Variants in PGM1 observed in about 807,000 individuals in gnomAD.
The protein encoded by PGM1 is phosphoglucomutase-1.
A neutral mutation model predicts 55.6 loss-of-function variants in PGM1; 52 were observed. The observed-to-expected ratio is 0.94, with a 90% confidence interval of 0.75 to 1.18. The LOEUF is 1.18. Among genes scored for constraint, PGM1 ranks in the 50% most tolerant of loss-of-function variants. The probability of loss-of-function intolerance (pLI) is 0.00; values close to 1 mark genes in which losing one functional copy is unlikely to be tolerated. For missense variants in PGM1, 724 were observed against 729.3 expected, an observed-to-expected ratio of 0.99 and a Z score of 0.08; for synonymous variants, 287 against 271.7, an observed-to-expected ratio of 1.06 and a Z score of -0.55.
chr1:63,630,175 CT>C, intron 3 of PGM1, 87 bp downstream of exon 3: 1 of 1,302,798 alleles, frequency 7.7e-7, no homozygotes, highest in East Asian at 2.3e-5. Flanking sequence ...GGGTCTTCAG[CT>C]TTGGAAAGAT....
intron 1 of PGM1, among the ~76,000 whole-genome samples, chr1:63,615,876 T>C (rs1405685839): frequency 1.3e-5 from 2 of 152,012 alleles, no homozygotes; most frequent in African/African-American, 4.8e-5. Flanking sequence ...GCCACAAAAC[T>C]TAAAGGGGCA....
At position 63,629,543 on chromosome 1, in the gene PGM1, G is replaced by T. The variant is rs1409915237; in HGVS notation, c.365G>T (p.Gly122Val). 6.2e-7 allele frequency: 1 copy of T among 1,613,878 alleles called. No homozygotes were observed. The highest frequency in any genetic ancestry group is 1.7e-5 in the Admixed American group (1 of 60,004). The change falls in exon 2 of 11, where the codon GGC becomes GTC. Residue 122 changes from glycine (G) to valine (V), a missense_variant. By Grantham distance (109) the Gly-to-Val change is moderately radical (BLOSUM62 -3). Transcript: ENST00000371084. Reference protein sequence around the residue: ...IILTASHNPGGPNGDFGIKFN... With the variant: ...IILTASHNPGVPNGDFGIKFN... ...CTGACAGCCAGTCACAACCCAGGGG[G>T]CCCCAATGGAGATTTTGGAATCAAA...
intron 10 of PGM1, among the ~76,000 whole-genome samples, chr1:63,659,113 G>C (rs1299193402): frequency 6.6e-6 from 1 of 152,186 alleles, no homozygotes; most frequent in Non-Finnish European, 1.5e-5. Flanking sequence ...GATGAGATTT[G>C]AGTGGGGACA....
intron 7 of PGM1, among the ~76,000 whole-genome samples, chr1:63,646,671 T>C (rs908208364): frequency 2.0e-5 from 3 of 152,166 alleles, no homozygotes; most frequent in African/African-American, 7.2e-5. Context: ...TCCCTTTTAT[T>C]CTCCTGGCAC....
At chr1:63,646,525 T>G (rs1029236601) in intron 7 of PGM1, among the ~76,000 whole-genome samples, 4 of 152,136 alleles carry the variant, frequency 2.6e-5, no homozygotes, top group African/African-American at 9.7e-5. Context: ...ACCTTAATGG[T>G]TAAAGAACAG....
intron 1 of PGM1, among the ~76,000 whole-genome samples, chr1:63,620,723 G>A (rs147842969): frequency 1.4e-3 from 215 of 152,316 alleles, no homozygotes; most frequent in African/African-American, 4.8e-3. Context: ...GAGCGAAGGG[G>A]TTCATAACTC....
intron 1 of PGM1, among the ~76,000 whole-genome samples, chr1:63,610,470 A>G (rs1648535520): frequency 6.6e-6 from 1 of 152,244 alleles, no homozygotes; most frequent in African/African-American, 2.4e-5. Flanking sequence ...AAAAGTATAT[A>G]TAATCTTTGG....
chr1:63,614,337 T>G (rs1055572287), intron 1 of PGM1, among the ~76,000 whole-genome samples: 1 of 152,202 alleles, frequency 6.6e-6, no homozygotes, highest in Non-Finnish European at 1.5e-5. Flanking sequence ...CGCTACAGTC[T>G]AGGGGTTCCT....
At chr1:63,598,464 A>G (rs1648143455) in intron 1 of PGM1, among the ~76,000 whole-genome samples, 1 of 152,232 alleles carries the variant, frequency 6.6e-6, no homozygotes, top group Admixed American at 6.5e-5. Flanking sequence ...AGTGGTGAGT[A>G]TAAATGATGT....
Position 63,593,471 on chromosome 1 carries a change from C to G in PGM1, c.-18C>G, listed in dbSNP as rs777923635. 6.2e-7 allele frequency: 1 copy of G among 1,613,374 alleles called. No homozygotes were observed. The highest frequency in any genetic ancestry group is 8.5e-7 in the Non-Finnish European group (1 of 1,179,838). ...CAGCCAAGTCCGCCGCTCTGACCCCCGGCAGCAAGTCGCCACCATGGTGAA... is the reference window on the plus strand; with the variant it reads ...CAGCCAAGTCCGCCGCTCTGACCCCGGGCAGCAAGTCGCCACCATGGTGAA... On this transcript the variant is annotated 5_prime_UTR_variant, in exon 1 of 11. Transcript: ENST00000371084.
intron 1 of PGM1, among the ~76,000 whole-genome samples, chr1:63,626,048 G>C (rs888370577): frequency 6.6e-6 from 1 of 152,178 alleles, no homozygotes; most frequent in Non-Finnish European, 1.5e-5. Context: ...TTGACTATTA[G>C]ATGTTTGGAG....
At chr1:63,655,286 A>G (rs1649933097) in intron 10 of PGM1, among the ~76,000 whole-genome samples, 1 of 152,054 alleles carries the variant, frequency 6.6e-6, no homozygotes, top group African/African-American at 2.4e-5. Context: ...AACCCAGGAT[A>G]ATTGGTCTTT....
chr1:63,638,951 G>A (rs1649437840), intron 7 of PGM1, 151 bp downstream of exon 7: 2 of 721,856 alleles, frequency 2.8e-6, no homozygotes, highest in Non-Finnish European at 5.1e-6. Context: ...GATGAAATGT[G>A]CACATTTGAA....
chr1:63,608,111 A>C (rs1338505697), intron 1 of PGM1, among the ~76,000 whole-genome samples: 1 of 149,436 alleles, frequency 6.7e-6, no homozygotes, highest in Non-Finnish European at 1.5e-5. Context: ...ATTGTTTTGA[A>C]AGAGATAATG....
At chr1:63,601,882 C>T (rs2100957349) in intron 1 of PGM1, among the ~76,000 whole-genome samples, 1 of 152,332 alleles carries the variant, frequency 6.6e-6, no homozygotes, top group East Asian at 1.9e-4. Flanking sequence ...CCTGAATTAA[C>T]ACAGTGGGGA....
At chr1:63,608,459 G>A (rs986942232) in intron 1 of PGM1, among the ~76,000 whole-genome samples, 3 of 152,214 alleles carry the variant, frequency 2.0e-5, no homozygotes, top group African/African-American at 7.2e-5. Flanking sequence ...AAACCCAAAT[G>A]CTAAGCCAGT....
intron 4 of PGM1, among the ~76,000 whole-genome samples, chr1:63,633,280 G>C (rs1016626531): frequency 6.6e-6 from 1 of 152,200 alleles, no homozygotes; most frequent in African/African-American, 2.4e-5. Flanking sequence ...TGTCACATTA[G>C]GGAAACGAGA....
At position 63,659,987 on chromosome 1, in the gene PGM1, G is replaced by A; in HGVS notation, c.*312G>A. 1 of 465,900 alleles carries A rather than the reference G, an allele frequency of 2.1e-6. No individual in the cohort carries two copies. The highest frequency in any genetic ancestry group is 2.3e-5 in the South Asian group (1 of 43,538). 28.9% of individuals were successfully genotyped at this position (465,900 alleles called of 1,614,324 possible). ...CACTACAATGTAAGCTATAGGTGGA[G>A]CATCAGCAGTGAGTGAGGCCATTCT... On this transcript the variant is annotated 3_prime_UTR_variant, in exon 11 of 11. Coordinates refer to ENST00000371084, the MANE Select transcript of PGM1 (RefSeq NM_002633.3).
chr1:63,643,483 A>G (rs997955444), intron 7 of PGM1, among the ~76,000 whole-genome samples: 7 of 152,226 alleles, frequency 4.6e-5, no homozygotes, highest in African/African-American at 1.7e-4. Flanking sequence ...GTAATGAGGC[A>G]GGTCAGGCCT....
Sources: gnomAD v4.1 joint callset for allele counts (sites outside exome capture counted in the v4.1 genomes callset) on GRCh38, gnomAD v4.1.1 for gene constraint, MANE v1.5 for transcripts, NCBI Gene and HGNC (gene_info 2026-07-23, HGNC 2026-07-21) for gene names.